EDARADD: variants seen among roughly 807,000 people sequenced by gnomAD.
EDARADD encodes ectodysplasin-A receptor-associated adapter protein.
Under a neutral mutation model 25.6 loss-of-function variants are expected in EDARADD, and 20 were observed. The observed-to-expected ratio is 0.78, with a 90% CI of 0.55 to 1.14. EDARADD has a LOEUF of 1.14. Ranked by LOEUF, EDARADD falls within the 50% of genes most tolerant of loss-of-function variation. The pLI, the probability that EDARADD is intolerant of heterozygous loss-of-function variation, is 0.00. For missense variants in EDARADD, 225 were observed against 270.1 expected, an observed-to-expected ratio of 0.83 and a Z score of 1.17; for synonymous variants, 86 against 94.4, an observed-to-expected ratio of 0.91 and a Z score of 0.52.
intron 3 of EDARADD, among the ~76,000 whole-genome samples, chr1:236,373,073 G>A (rs759767865): frequency 1.6e-4 from 24 of 150,966 alleles, no homozygotes; most frequent in Non-Finnish European, 2.9e-4. Flanking sequence ...TTGCCACCAC[G>A]CCTGGCTAAT....
intron 4 of EDARADD, among the ~76,000 whole-genome samples, chr1:236,453,516 T>C (rs1157157303): frequency 6.6e-6 from 1 of 152,182 alleles, no homozygotes; most frequent in Non-Finnish European, 1.5e-5. Flanking sequence ...GACCTTGTGA[T>C]CCACCCGCCT....
intron 4 of EDARADD, among the ~76,000 whole-genome samples, chr1:236,448,192 C>T (rs949079986): frequency 1.3e-5 from 2 of 152,200 alleles, no homozygotes; most frequent in African/African-American, 2.4e-5. Flanking sequence ...GAGATTCTGG[C>T]TTAAGTGGCC....
chr1:236,398,389 G>A lies in EDARADD; in HGVS notation c.61+3884G>A, dbSNP rs1014241616. ...TGGGATTACTGGTGTGAACCACTGT[G>A]CCCAGCCAGTCGTCTTTTAAAAACA... On this transcript the variant is annotated intron_variant, in intron 1 of 5. Coordinates refer to ENST00000334232, the MANE Select transcript of EDARADD (RefSeq NM_145861.4). The surrounding 1 kb of genome is among the most constrained non-coding windows in gnomAD (Gnocchi z 4.1). Among the ~76,000 whole-genome samples, 3 of 152,258 alleles carry A rather than the reference G, an allele frequency of 2.0e-5. No homozygotes were observed. Among genetic ancestry groups the A allele is most frequent in the Admixed American group, 1.3e-4 (2 of 15,292 alleles).
chr1:236,360,541 T>G (rs1409452621), intron 3 of EDARADD, among the ~76,000 whole-genome samples: 1 of 62,436 alleles, frequency 1.6e-5, no homozygotes, highest in Admixed American at 1.4e-4. Context: ...TTCACGGTTT[T>G]TTTTTTTTTT....
Position 236,466,924 on chromosome 1 carries a change from A to G in EDARADD, c.220-1307A>G, listed in dbSNP as rs138890353. 3.6e-3 allele frequency among the ~76,000 whole-genome samples: 555 copies of G among 152,116 alleles called. 1 individual carries two copies. The highest frequency in any genetic ancestry group is 4.5e-3 in the Non-Finnish European group (306 of 67,978). ...TCTGCTAAAAATACAAAAATTAGCCAGGCGTGGTGGCGGGTGGCTGTAGTC... is the reference window on the plus strand; with the variant it reads ...TCTGCTAAAAATACAAAAATTAGCCGGGCGTGGTGGCGGGTGGCTGTAGTC... On this transcript the variant is annotated intron_variant, in intron 4 of 5. Transcript: ENST00000334232.
intron 3 of EDARADD, among the ~76,000 whole-genome samples, chr1:236,417,042 A>C (rs1657656486): frequency 6.6e-6 from 1 of 152,074 alleles, no homozygotes; most frequent in African/African-American, 2.4e-5. Context: ...TGAGCCTGGG[A>C]GGTTGAGGCT....
chr1:236,477,644 A>C (rs1659547988), intron 5 of EDARADD, among the ~76,000 whole-genome samples: 1 of 152,086 alleles, frequency 6.6e-6, no homozygotes, highest in Admixed American at 6.6e-5. Context: ...GAGGAAGAGA[A>C]GTGCAACAGA....
intron 5 of EDARADD, among the ~76,000 whole-genome samples, chr1:236,475,064 C>T (rs1485576519): frequency 6.6e-6 from 1 of 151,954 alleles, no homozygotes; most frequent in Non-Finnish European, 1.5e-5. Context: ...ACCTGGGAGG[C>T]AGAGGTTGCA....
chr1:236,378,624 C>T (rs1038690554), intron 3 of EDARADD, among the ~76,000 whole-genome samples: 1 of 152,116 alleles, frequency 6.6e-6, no homozygotes, highest in African/African-American at 2.4e-5. Flanking sequence ...CTTCCAAGCT[C>T]CCTGCGTGCT....
intron 1 of EDARADD, among the ~76,000 whole-genome samples, chr1:236,407,370 C>T (rs905623066): frequency 5.3e-5 from 8 of 152,310 alleles, no homozygotes; most frequent in African/African-American, 1.7e-4. Context: ...TCTCTCCATT[C>T]GTCCCCATTT....
chr1:236,430,795 C>T (rs1658073316), intron 4 of EDARADD, among the ~76,000 whole-genome samples: 1 of 152,166 alleles, frequency 6.6e-6, no homozygotes, highest in African/African-American at 2.4e-5. Flanking sequence ...GAAAACAACA[C>T]ACACTCCATT....
chr1:236,351,313 G>C (rs1666913519), intron 3 of EDARADD, among the ~76,000 whole-genome samples: 1 of 152,046 alleles, frequency 6.6e-6, no homozygotes, highest in African/African-American at 2.4e-5. Flanking sequence ...AAGCAGAGGG[G>C]GCTTCCTTAT....
intron 4 of EDARADD, among the ~76,000 whole-genome samples, chr1:236,464,622 G>A (rs1398369306): frequency 1.1e-4 from 16 of 151,620 alleles, no homozygotes; most frequent in Admixed American, 3.3e-4. Flanking sequence ...TAGTAGAGCC[G>A]GGGTTTTGCC....
chr1:236,371,444 C>G (rs1039679679), intron 3 of EDARADD, among the ~76,000 whole-genome samples: 2 of 152,188 alleles, frequency 1.3e-5, no homozygotes, highest in Admixed American at 6.5e-5. Context: ...ATTGCCTTAG[C>G]TTGGACTTCC....
intron 5 of EDARADD, among the ~76,000 whole-genome samples, chr1:236,480,444 C>A (rs749457260): frequency 6.6e-5 from 10 of 151,990 alleles, no homozygotes; most frequent in South Asian, 4.2e-4. Context: ...ATTAGTAGGT[C>A]AAAGAGTATG....
intron 4 of EDARADD, among the ~76,000 whole-genome samples, chr1:236,431,927 CAAAAA>C (rs1170622280): frequency 0.085 from 1,523 of 17,848 alleles, 39 homozygotes; most frequent in African/African-American, 0.14. Flanking sequence ...GACTCCGTCT[CAAAAA>C]AAAAAAAAAA....
At chr1:236,447,844 CT>C (rs112637810) in intron 4 of EDARADD, among the ~76,000 whole-genome samples, 14 of 147,776 alleles carry the variant, frequency 9.5e-5, no homozygotes, top group Admixed American at 2.7e-4. Flanking sequence ...TTTTTTTCTT[CT>C]TTTTTTTTTG....
intron 4 of EDARADD, among the ~76,000 whole-genome samples, chr1:236,459,682 G>A (rs1208731718): frequency 7.2e-6 from 1 of 138,698 alleles, no homozygotes; most frequent in African/African-American, 2.7e-5. Flanking sequence ...GTGCCATCTC[G>A]GCTCACTGCA....
rs1667561738 is a variant in EDARADD at position 236,398,578 on chromosome 1, A to T, written c.61+4073A>T. On this transcript the variant is annotated intron_variant, in intron 1 of 5. Transcript: ENST00000334232. The surrounding 1 kb of genome is among the most constrained non-coding windows in gnomAD (Gnocchi z 4.1). The stretch of plus-strand genomic sequence containing the variant: ...ACCTAGCTTGACCCCTGCTCTCTGC[A>T]CGCAGCCGTGCTGCCTCCTTTCATT... 6.6e-6 allele frequency among the ~76,000 whole-genome samples: 1 copy of T among 152,158 alleles called. No individual in the cohort carries two copies. Among genetic ancestry groups the T allele is most frequent in the African/African-American group, 2.4e-5 (1 of 41,430 alleles).
Sources: allele counts gnomAD v4.1 joint callset (sites outside exome capture counted in the v4.1 genomes callset), GRCh38; gene constraint gnomAD v4.1.1; non-coding constraint Gnocchi (gnomAD v3.1); transcripts MANE v1.5; gene names NCBI Gene and HGNC (gene_info 2026-07-23, HGNC 2026-07-21).